Variants in CACNA2D3 observed in about 807,000 individuals in gnomAD.
CACNA2D3 encodes calcium voltage-gated channel auxiliary subunit alpha2delta 3, also known as voltage-dependent calcium channel subunit alpha-2/delta-3.
Under a neutral mutation model 160.6 loss-of-function variants are expected in CACNA2D3, and 60 were observed. The ratio of observed to expected loss-of-function variants is 0.37; its 90% CI spans 0.30 to 0.46. The LOEUF (loss-of-function observed/expected upper bound fraction) is 0.46, where lower values mean the gene tolerates loss of function less well. Among genes scored for constraint, CACNA2D3 ranks in the 20% least tolerant of loss-of-function variants. The probability of loss-of-function intolerance (pLI) is 1.00; values close to 1 mark genes in which losing one functional copy is unlikely to be tolerated. For missense variants in CACNA2D3, 1,205 were observed against 1,365.0 expected, an observed-to-expected ratio of 0.88 and a Z score of 1.85; for synonymous variants, 558 against 492.9, an observed-to-expected ratio of 1.13 and a Z score of -1.75.
chr3:54,502,629 G>A (rs1243454478), intron 4 of CACNA2D3, among the ~76,000 whole-genome samples: 2 of 152,262 alleles, frequency 1.3e-5, no homozygotes, highest in East Asian at 3.9e-4. Context: ...TGATACAGTA[G>A]ATTTAAGGAC....
chr3:54,313,654 G>A (rs1442959299), intron 2 of CACNA2D3, among the ~76,000 whole-genome samples: 1 of 152,094 alleles, frequency 6.6e-6, no homozygotes, highest in Non-Finnish European at 1.5e-5. Flanking sequence ...GGGGCAGTGA[G>A]CACTTCCTTG....
At position 54,637,340 on chromosome 3, in the gene CACNA2D3, T is replaced by TA. The variant is rs1553761725; in HGVS notation, c.1054-4788_1054-4787insA. 2.0e-5 allele frequency among the ~76,000 whole-genome samples: 3 copies of TA among 150,920 alleles called. No homozygotes were observed. The East Asian group carries it at 5.9e-4, about 29-fold the overall frequency. On this transcript the variant is annotated intron_variant, in intron 10 of 37. Transcript: ENST00000474759. The stretch of plus-strand genomic sequence containing the variant: ...CGTATCTTATACTTGTGGGTTAAGG[T>TA]GGGGGGATACAAGAGGAGGACGCAA...
intron 2 of CACNA2D3, among the ~76,000 whole-genome samples, chr3:54,277,799 T>A (rs1305594481): frequency 6.6e-6 from 1 of 152,200 alleles, no homozygotes; most frequent in Non-Finnish European, 1.5e-5. Context: ...CCCTTCTTGT[T>A]TCCTTGAGCA....
chr3:54,735,945 T>G (rs1213813295), intron 11 of CACNA2D3, among the ~76,000 whole-genome samples: 1 of 145,138 alleles, frequency 6.9e-6, no homozygotes, highest in Admixed American at 7.0e-5. Context: ...TACTAGACAC[T>G]TTTTGCATAT....
chr3:54,252,186 A>G (rs1487864517), intron 2 of CACNA2D3, among the ~76,000 whole-genome samples: 1 of 146,798 alleles, frequency 6.8e-6, no homozygotes, highest in Non-Finnish European at 1.5e-5. Flanking sequence ...CTTGAAGGAA[A>G]AATCTTTGTT....
intron 2 of CACNA2D3, among the ~76,000 whole-genome samples, chr3:54,248,481 C>CAA (rs577393882): frequency 1.1e-4 from 5 of 44,380 alleles, no homozygotes; most frequent in African/African-American, 3.9e-4. Context: ...AACTCCATCT[C>CAA]AAAAAAAAAA....
intron 4 of CACNA2D3, among the ~76,000 whole-genome samples, chr3:54,488,832 G>A (rs759629086): frequency 1.3e-5 from 2 of 152,122 alleles, no homozygotes; most frequent in Admixed American, 1.3e-4. Context: ...ATAAGTGTGC[G>A]ATGACCCCTG....
intron 13 of CACNA2D3, among the ~76,000 whole-genome samples, chr3:54,769,522 G>A (rs1412261595): frequency 6.6e-6 from 1 of 152,078 alleles, no homozygotes; most frequent in East Asian, 1.9e-4. Flanking sequence ...TTTGCTCTGT[G>A]ACTTTAAGCC....
Position 54,503,630 on chromosome 3 carries a change from G to A in CACNA2D3, c.520G>A (p.Val174Ile). 6.2e-7 allele frequency: 1 copy of A among 1,613,828 alleles called. No individual in the cohort carries two copies. The highest frequency in any genetic ancestry group is 8.5e-7 in the Non-Finnish European group (1 of 1,179,786). ...PVNISLSDVQ[V>I]PTNMYNKDPA... ...GAACATCAGTCTAAGTGACGTCCAA[G>A]TACCAACGAACATGTACAACAAAGG... The change falls in exon 5 of 38, where the codon GTA becomes ATA. Residue 174 changes from valine to isoleucine, a missense_variant. Physicochemically the swap from Val to Ile is conservative, Grantham distance 29. Around this residue, in one of 3 missense-constraint regions of CACNA2D3, gnomAD observed 131 missense variants for 201.5 expected, o/e 0.65. Coordinates refer to ENST00000474759, the MANE Select transcript of CACNA2D3 (RefSeq NM_018398.3).
At chr3:54,562,735 A>G in intron 5 of CACNA2D3, 65 bp from the exon 6 acceptor site, 1 of 1,416,934 alleles carries the variant, frequency 7.1e-7, no homozygotes, top group Non-Finnish European at 9.8e-7. Flanking sequence ...GCAGCGTGGG[A>G]TGCCAGGAAT....
At chr3:55,046,375 G>A (rs1193363080) in intron 35 of CACNA2D3, among the ~76,000 whole-genome samples, 1 of 108,598 alleles carries the variant, frequency 9.2e-6, no homozygotes, top group Non-Finnish European at 1.9e-5. Flanking sequence ...TCTTGCGATA[G>A]TTTACTGAGA....
intron 2 of CACNA2D3, among the ~76,000 whole-genome samples, chr3:54,170,166 G>T (rs531434733): frequency 3.1e-4 from 46 of 150,788 alleles, no homozygotes; most frequent in Admixed American, 1.6e-3. Flanking sequence ...CTCCAGCCTG[G>T]GTGATAGAGT....
chr3:54,635,773 G>A (rs996155710), intron 10 of CACNA2D3, among the ~76,000 whole-genome samples: 2 of 151,750 alleles, frequency 1.3e-5, no homozygotes, highest in African/African-American at 4.9e-5. Flanking sequence ...TGAATACTAA[G>A]AGCCTGAAAA....
rs774487149 is a variant in CACNA2D3, at chr3:54,837,240, G to C, written c.1470+10G>C. The C allele has an allele frequency of 3.7e-6, 6 of 1,612,710 alleles. No individual in the cohort carries two copies. In the Admixed American group the frequency reaches 1.0e-4, roughly 27 times the overall value. Reference sequence around the variant, plus strand: ...TAAGCAGAACGAAACCGTGAGTACAGTCGCTGAGCTTCCTGCTTGATGCTA... The same window carrying C: ...TAAGCAGAACGAAACCGTGAGTACACTCGCTGAGCTTCCTGCTTGATGCTA... On this transcript the variant is annotated intron_variant, in intron 15 of 37. Transcript: ENST00000474759.
intron 2 of CACNA2D3, among the ~76,000 whole-genome samples, chr3:54,255,315 A>G (rs766251304): frequency 2.0e-5 from 3 of 152,184 alleles, no homozygotes; most frequent in Non-Finnish European, 4.4e-5. Flanking sequence ...GCTTTGATAC[A>G]TCAGAGGGGG....
chr3:54,285,501 G>A (rs896102175), intron 2 of CACNA2D3, among the ~76,000 whole-genome samples: 1 of 152,184 alleles, frequency 6.6e-6, no homozygotes, highest in Non-Finnish European at 1.5e-5. Context: ...CCACCTCTGG[G>A]GGCAGGGCAC....
At chr3:54,547,163 A>G (rs541631110) in intron 5 of CACNA2D3, among the ~76,000 whole-genome samples, 2 of 152,290 alleles carry the variant, frequency 1.3e-5, no homozygotes, top group Non-Finnish European at 2.9e-5. Context: ...CAGCGCAAAG[A>G]TGGCTGGAGT....
intron 13 of CACNA2D3, among the ~76,000 whole-genome samples, chr3:54,814,334 T>C (rs1703402075): frequency 6.6e-6 from 1 of 152,228 alleles, no homozygotes; most frequent in African/African-American, 2.4e-5. Flanking sequence ...CATTCCACTT[T>C]ACAGGCAAGC....
At chr3:54,366,266 CAG>C in intron 3 of CACNA2D3, among the ~76,000 whole-genome samples, 1 of 152,138 alleles carries the variant, frequency 6.6e-6, no homozygotes, top group Non-Finnish European at 1.5e-5. Context: ...TGAGTCTAGT[CAG>C]AGACACCACA....
Sources: allele counts gnomAD v4.1 joint callset (sites outside exome capture counted in the v4.1 genomes callset), GRCh38; gene constraint gnomAD v4.1.1; regional missense constraint gnomAD v4.1.1; transcripts MANE v1.5; gene names NCBI Gene and HGNC (gene_info 2026-07-23, HGNC 2026-07-21).